Variants in ARHGAP15 observed in about 807,000 individuals in gnomAD.
The protein encoded by ARHGAP15 is rho GTPase-activating protein 15.
Under a neutral mutation model 63.7 loss-of-function variants are expected in ARHGAP15, and 51 were observed. That is an observed-to-expected ratio of 0.80 (90% CI 0.64 to 1.01). The LOEUF (loss-of-function observed/expected upper bound fraction) is 1.01, where lower values mean the gene tolerates loss of function less well. Ranked by LOEUF, ARHGAP15 falls within the 50% of genes least tolerant of loss-of-function variation. The probability of loss-of-function intolerance (pLI) is 0.00; values close to 1 mark genes in which losing one functional copy is unlikely to be tolerated. For missense variants in ARHGAP15, 560 were observed against 564.6 expected (o/e 0.99, Z 0.08); for synonymous variants, 191 against 193.8 (o/e 0.99, Z 0.12).
intron 11 of ARHGAP15, among the ~76,000 whole-genome samples, chr2:143,571,043 T>C (rs1347900412): frequency 6.6e-6 from 1 of 152,166 alleles, no homozygotes; most frequent in Non-Finnish European, 1.5e-5. Flanking sequence ...GGCATTAATT[T>C]CTCATAGGAG....
chr2:143,504,088 G>A (rs35125029), intron 9 of ARHGAP15, among the ~76,000 whole-genome samples: 38,971 of 152,018 alleles, frequency 0.26, 6,451 homozygotes, highest in Non-Finnish European at 0.37. Flanking sequence ...TGTAAAAATG[G>A]GTGAGACATT....
chr2:143,684,410 C>G (rs1467337971), intron 12 of ARHGAP15, among the ~76,000 whole-genome samples: 1 of 151,944 alleles, frequency 6.6e-6, no homozygotes, highest in African/African-American at 2.4e-5. Context: ...AACCAAATAC[C>G]CTAGCTGATC....
At chr2:143,287,696 G>T (rs951466156) in intron 6 of ARHGAP15, among the ~76,000 whole-genome samples, 2 of 152,024 alleles carry the variant, frequency 1.3e-5, no homozygotes, top group Admixed American at 6.6e-5. Context: ...ATAGCTACTC[G>T]GGAGGGTGAG....
chr2:143,229,571 C>T (rs1394820793), intron 5 of ARHGAP15, among the ~76,000 whole-genome samples: 1 of 152,158 alleles, frequency 6.6e-6, no homozygotes, highest in African/African-American at 2.4e-5. Flanking sequence ...ATCTGACAGC[C>T]TCCTGATTAG....
intron 10 of ARHGAP15, among the ~76,000 whole-genome samples, chr2:143,540,831 T>G (rs1040993873): frequency 6.6e-6 from 1 of 152,206 alleles, no homozygotes; most frequent in Non-Finnish European, 1.5e-5. Context: ...ATTTCAACTT[T>G]GGTGAATCTG....
At chr2:143,631,686 A>C (rs1699078974) in intron 12 of ARHGAP15, among the ~76,000 whole-genome samples, 3 of 152,034 alleles carry the variant, frequency 2.0e-5, no homozygotes, top group African/African-American at 7.2e-5. Flanking sequence ...AGAGTTCCCT[A>C]TATATTCTTA....
At chr2:143,205,364 C>T (rs1233791333) in intron 3 of ARHGAP15, among the ~76,000 whole-genome samples, 1 of 151,790 alleles carries the variant, frequency 6.6e-6, no homozygotes, top group African/African-American at 2.4e-5. Context: ...TAGACCTTAC[C>T]ACCAGATGGC....
intron 6 of ARHGAP15, among the ~76,000 whole-genome samples, chr2:143,380,949 G>A (rs2104940779): frequency 6.6e-6 from 1 of 152,272 alleles, no homozygotes; most frequent in Non-Finnish European, 1.5e-5. Flanking sequence ...CAATGTGAAT[G>A]AGAGATGACC....
chr2:143,308,245 G>A (rs918872079), intron 6 of ARHGAP15, among the ~76,000 whole-genome samples: 1 of 149,698 alleles, frequency 6.7e-6, no homozygotes, highest in African/African-American at 2.6e-5. Context: ...GTAAATTTCT[G>A]TCTTAGAGTT....
chr2:143,442,927 TA>T (rs1457605659), intron 8 of ARHGAP15, among the ~76,000 whole-genome samples: 1 of 152,162 alleles, frequency 6.6e-6, no homozygotes, highest in East Asian at 1.9e-4. Context: ...TAAGTTACAT[TA>T]AGACCTCTTT....
intron 9 of ARHGAP15, among the ~76,000 whole-genome samples, chr2:143,492,546 G>C (rs1296579919): frequency 6.6e-6 from 1 of 152,250 alleles, no homozygotes. Flanking sequence ...ACTGCCTGAG[G>C]TCAGGGTTCA....
At chr2:143,700,944 G>T (rs1172020169) in intron 12 of ARHGAP15, among the ~76,000 whole-genome samples, 4 of 151,908 alleles carry the variant, frequency 2.6e-5, no homozygotes, top group African/African-American at 9.7e-5. Context: ...TTTACTATTT[G>T]GCAGAAAAGA....
chr2:143,701,793 G>A (rs1018980191), intron 12 of ARHGAP15, among the ~76,000 whole-genome samples: 4 of 147,190 alleles, frequency 2.7e-5, no homozygotes, highest in Non-Finnish European at 6.1e-5. Flanking sequence ...CCACAGATTC[G>A]AGAAAGCTCT....
At chr2:143,331,104 A>G (rs1473782698) in intron 6 of ARHGAP15, among the ~76,000 whole-genome samples, 1 of 152,218 alleles carries the variant, frequency 6.6e-6, no homozygotes, top group Non-Finnish European at 1.5e-5. Context: ...GATGTGAATG[A>G]AGGAGTTTCC....
At chr2:143,490,651 C>T (rs991765122) in intron 9 of ARHGAP15, among the ~76,000 whole-genome samples, 5 of 152,106 alleles carry the variant, frequency 3.3e-5, no homozygotes, top group Non-Finnish European at 7.4e-5. Flanking sequence ...GACAGAGGCT[C>T]ACTCTGTCGC....
Position 143,165,993 on chromosome 2 carries a change from A to G in ARHGAP15, c.165+10338A>G, listed in dbSNP as rs140658761. Among the ~76,000 whole-genome samples the G allele has an allele frequency of 5.4e-4, 63 of 115,688 alleles. 1 individual carries two copies. The highest frequency in any genetic ancestry group is 2.9e-3 in the East Asian group (10 of 3,502). The allele number at this position is 115,688 out of a possible 152,430, so 75.9% of individuals were successfully genotyped here. A position where few individuals can be genotyped will look rare whatever the true frequency, so the allele number is the denominator to read the frequency against. On this transcript the variant is annotated intron_variant, in intron 2 of 13. Coordinates refer to ENST00000295095, the MANE Select transcript of ARHGAP15 (RefSeq NM_018460.4). ...AAGAAAGAAAGAAAGAAAGAAAGAA[A>G]GAAAGAAAGAAGGAAGGAAGGAAAA...
In ARHGAP15 at chr2:143,370,489, A is replaced by G. The variant is rs549145853; in HGVS notation, c.475-65112A>G. ...ATTGTGCACATGTACCCTAAAACTT[A>G]AAGTATAATAATAAAAAAGTAGTAC... On this transcript the variant is annotated intron_variant, in intron 6 of 13. Transcript: ENST00000295095. Among the ~76,000 whole-genome samples, 18 of 147,960 alleles carry G rather than the reference A, an allele frequency of 1.2e-4. No homozygotes were observed. The East Asian group carries it at 3.6e-3, about 29-fold the overall frequency.
At chr2:143,433,603 A>G (rs1015406681) in intron 6 of ARHGAP15, among the ~76,000 whole-genome samples, 2 of 152,144 alleles carry the variant, frequency 1.3e-5, no homozygotes, top group Admixed American at 6.6e-5. Flanking sequence ...TGCACCAAAA[A>G]TGCAAACGCA....
chr2:143,156,887 A>G (rs1260232876), intron 2 of ARHGAP15, among the ~76,000 whole-genome samples: 2 of 151,992 alleles, frequency 1.3e-5, no homozygotes, highest in African/African-American at 4.8e-5. Context: ...AATGTTCATC[A>G]ACTATGAACT....
Sources: gnomAD v4.1 joint callset for allele counts (sites outside exome capture counted in the v4.1 genomes callset) on GRCh38, gnomAD v4.1.1 for gene constraint, MANE v1.5 for transcripts, NCBI Gene and HGNC (gene_info 2026-07-23, HGNC 2026-07-21) for gene names.